HNRNPLL: variants seen among roughly 807,000 people sequenced by gnomAD.
The protein encoded by HNRNPLL is heterogeneous nuclear ribonucleoprotein L like.
HNRNPLL carries 25 observed loss-of-function variants against 67.1 expected under a neutral mutation model. The ratio of observed to expected loss-of-function variants is 0.37; its 90% CI spans 0.27 to 0.52. The LOEUF (loss-of-function observed/expected upper bound fraction) is 0.52, where lower values mean the gene tolerates loss of function less well. HNRNPLL is among the 20% of genes least tolerant of loss of function. The probability of loss-of-function intolerance (pLI) is 0.90; values close to 1 mark genes in which losing one functional copy is unlikely to be tolerated. For synonymous variants in HNRNPLL, 267 were observed against 241.7 expected (o/e 1.10, Z -0.97); for missense variants, 542 against 673.9 (o/e 0.80, Z 2.17).
At chr2:38,588,427 T>A (rs1666817666) in intron 2 of HNRNPLL, among the ~76,000 whole-genome samples, 1 of 151,182 alleles carries the variant, frequency 6.6e-6, no homozygotes, top group Non-Finnish European at 1.5e-5. Context: ...CAGGCGCCTG[T>A]AATCCCAGCT....
intron 8 of HNRNPLL, among the ~76,000 whole-genome samples, chr2:38,571,600 C>T (rs180870355): frequency 6.6e-6 from 1 of 152,262 alleles, no homozygotes; most frequent in African/African-American, 2.4e-5. Context: ...AATCTCTTGT[C>T]TTCTCATGGA....
chr2:38,566,539 A>C (rs73929073), intron 12 of HNRNPLL, among the ~76,000 whole-genome samples: 2 of 152,180 alleles, frequency 1.3e-5, no homozygotes, highest in Admixed American at 6.5e-5. Context: ...AGTGTTGCTA[A>C]GAGTGCTGAG....
chr2:38,568,020 T>C, intron 12 of HNRNPLL, 179 bp downstream of exon 12: 1 of 514,206 alleles, frequency 1.9e-6, no homozygotes, highest in Non-Finnish European at 3.4e-6. Context: ...TGCTAAATTT[T>C]ATGGCAATTT....
intron 2 of HNRNPLL, 121 bp from the exon 3 acceptor site, chr2:38,586,002 T>A: frequency 1.4e-6 from 1 of 705,274 alleles, no homozygotes; most frequent in East Asian, 2.5e-5. Context: ...TATTCTTCAC[T>A]ACCTGTGTCC....
intron 1 of HNRNPLL, among the ~76,000 whole-genome samples, chr2:38,597,669 T>C (rs1265765777): frequency 6.6e-6 from 1 of 151,878 alleles, no homozygotes; most frequent in Non-Finnish European, 1.5e-5. Flanking sequence ...ATTATGGCCA[T>C]ATGAGTCAAG....
rs569477060 is a variant in HNRNPLL, at chr2:38,583,495, G to GT, written c.632+345dup. 2.1e-3 allele frequency among the ~76,000 whole-genome samples: 327 copies of GT among 152,252 alleles called. 2 individuals are homozygous for GT. The highest frequency in any genetic ancestry group is 3.9e-3 in the South Asian group (19 of 4,826). On this transcript the variant is annotated intron_variant, in intron 4 of 12. Transcript: ENST00000449105. The stretch of plus-strand genomic sequence containing the variant: ...CATTTTAAAGGTTCAATAAAAAAAG[G>GT]TAAGATTTTACTGACTCTAAAGTTT...
chr2:38,585,549 G>C (rs897691390), intron 3 of HNRNPLL, 95 bp downstream of exon 3: 3 of 706,994 alleles, frequency 4.2e-6, no homozygotes, highest in Non-Finnish European at 7.4e-6. Context: ...CTATTTTCTA[G>C]TATCTAGATG....
chr2:38,582,251 C>T, intron 4 of HNRNPLL, 83 bp from the exon 5 acceptor site: 1 of 870,738 alleles, frequency 1.1e-6, no homozygotes, highest in Non-Finnish European at 1.9e-6. Context: ...TGAAAATAAT[C>T]AGAAGTAGCT....
intron 1 of HNRNPLL, among the ~76,000 whole-genome samples, chr2:38,594,476 A>G (rs1667094510): frequency 6.6e-6 from 1 of 152,170 alleles, no homozygotes; most frequent in Non-Finnish European, 1.5e-5. Flanking sequence ...TAGGGGAAAA[A>G]AGTATGTATA....
chr2:38,602,474 G>A lies in HNRNPLL; in HGVS notation c.153C>T (p.Gly51=). ...NRREATPRGG[G]DGGGGGRSFS... ...AGCTCCGGCCGCCGCCGCCGCCATC[G>A]CCCCCGCCCCGGGGCGTCGCTTCCC... Residue 51 remains glycine (G), a synonymous_variant, in exon 1 of 13, where the codon GGC becomes GGT. Transcript: ENST00000449105. The A allele has an allele frequency of 6.5e-7, 1 of 1,540,838 alleles. No homozygotes were observed.
At chr2:38,602,279 GA>G in intron 1 of HNRNPLL, 158 bp downstream of exon 1, 1 of 661,472 alleles carries the variant, frequency 1.5e-6, no homozygotes, top group Non-Finnish European at 2.4e-6. Context: ...GAAACAGGTA[GA>G]GGCCAGAATA....
chr2:38,571,780 T>C (rs1450031938), intron 8 of HNRNPLL, among the ~76,000 whole-genome samples: 1 of 152,170 alleles, frequency 6.6e-6, no homozygotes, highest in East Asian at 1.9e-4. Flanking sequence ...GTTCAACGTA[T>C]CATAGCTTAT....
Position 38,581,993 on chromosome 2 carries a change from G to C in HNRNPLL, c.730-8C>G, listed in dbSNP as rs1187746518. 6.2e-7 allele frequency: 1 copy of C among 1,610,086 alleles called. No individual in the cohort carries two copies. The highest frequency in any genetic ancestry group is 8.5e-7 in the Non-Finnish European group (1 of 1,176,516). ...AACATTTAGACGAGTTGGCTGTTAA[G>C]ATTGAAAATAATGTAAGTTCAAACT... On this transcript the variant is annotated splice_region_variant and splice_polypyrimidine_tract_variant and intron_variant, in intron 5 of 12. Coordinates refer to ENST00000449105, the MANE Select transcript of HNRNPLL (RefSeq NM_138394.4).
chr2:38,567,667 T>C (rs754097618), intron 12 of HNRNPLL, among the ~76,000 whole-genome samples: 2 of 152,224 alleles, frequency 1.3e-5, no homozygotes, highest in Non-Finnish European at 2.9e-5. Flanking sequence ...CTCACTGTAC[T>C]GTTTGGTCTC....
At chr2:38,598,579 T>C (rs1201876179) in intron 1 of HNRNPLL, among the ~76,000 whole-genome samples, 1 of 152,230 alleles carries the variant, frequency 6.6e-6, no homozygotes, top group Non-Finnish European at 1.5e-5. Flanking sequence ...GATTTTTAGA[T>C]ATGTAACATT....
intron 2 of HNRNPLL, among the ~76,000 whole-genome samples, chr2:38,590,643 AGCTGTGGG>A (rs1666923814): frequency 6.6e-6 from 1 of 152,198 alleles, no homozygotes; most frequent in African/African-American, 2.4e-5. Context: ...AGTATACAGC[AGCTGTGGG>A]AAGAGACAGG....
At chr2:38,578,046 T>C (rs1338870701) in intron 6 of HNRNPLL, 1 of 470,020 alleles carries the variant, frequency 2.1e-6, no homozygotes, top group Non-Finnish European at 4.4e-6. Context: ...GAGTATTTTA[T>C]AAGTATATGC....
rs1245029589 is a variant in HNRNPLL at position 38,602,144 on chromosome 2, G to A, written c.189+294C>T. 86 of 443,484 alleles carry A rather than the reference G, an allele frequency of 1.9e-4. 2 individuals are homozygous for A. In the South Asian group the frequency reaches 2.4e-3, roughly 12 times the overall value. 27.5% of individuals were successfully genotyped at this position (443,484 alleles called of 1,614,324 possible). A position where few individuals can be genotyped will look rare whatever the true frequency, so the allele number is the denominator to read the frequency against. ...GCTCCCCGAGCCGCGAAACCCCCCA[G>A]AGCGGAAGCGACGCCTCCCCGCCGC... On this transcript the variant is annotated intron_variant, in intron 1 of 12. Transcript: ENST00000449105.
intron 1 of HNRNPLL, among the ~76,000 whole-genome samples, chr2:38,596,491 CA>C: frequency 6.6e-6 from 1 of 152,134 alleles, no homozygotes; most frequent in Non-Finnish European, 1.5e-5. Context: ...TTCTTGGCCT[CA>C]AGTGATCCAC....
Sources: allele counts gnomAD v4.1 joint callset (sites outside exome capture counted in the v4.1 genomes callset), GRCh38; gene constraint gnomAD v4.1.1; transcripts MANE v1.5; gene names NCBI Gene and HGNC (gene_info 2026-07-23, HGNC 2026-07-21).